The following MARK3 variants were observed in gnomAD, a reference collection of about 807,000 sequenced individuals.
MARK3 encodes microtubule affinity regulating kinase 3.
A neutral mutation model predicts 90.1 loss-of-function variants in MARK3; 46 were observed. That is an observed-to-expected ratio of 0.51 (90% CI 0.40 to 0.65). The LOEUF (loss-of-function observed/expected upper bound fraction) is 0.65, where lower values mean the gene tolerates loss of function less well. Among genes scored for constraint, MARK3 ranks in the 30% least tolerant of loss-of-function variants. The pLI is 0.00. For missense variants in MARK3, 818 were observed against 947.2 expected (o/e 0.86, Z 1.79); for synonymous variants, 321 against 332.6 (o/e 0.97, Z 0.38).
intron 4 of MARK3, 152 bp from the exon 5 acceptor site, chr14:103,451,766 G>A (rs1433776734): frequency 1.7e-6 from 1 of 604,946 alleles, no homozygotes; most frequent in African/African-American, 1.9e-5. Context: ...TGTGGTATTT[G>A]ATAAAATTCC....
chr14:103,501,283 G>A (rs1168228773), intron 17 of MARK3, among the ~76,000 whole-genome samples: 1 of 152,114 alleles, frequency 6.6e-6, no homozygotes, highest in Non-Finnish European at 1.5e-5. Context: ...CCCTCTCCAG[G>A]CCTACCCATC....
intron 12 of MARK3, among the ~76,000 whole-genome samples, chr14:103,472,131 A>T (rs1595844618): frequency 6.8e-6 from 1 of 146,856 alleles, no homozygotes; most frequent in Non-Finnish European, 1.5e-5. Context: ...GAATGGATGA[A>T]CCCGGGAGGC....
intron 2 of MARK3, among the ~76,000 whole-genome samples, chr14:103,426,638 C>T (rs1344924861): frequency 1.3e-5 from 2 of 152,118 alleles, no homozygotes; most frequent in Non-Finnish European, 2.9e-5. Context: ...TTGTCACTTC[C>T]ATTCTTTTTC....
chr14:103,437,338 G>A (rs925451266), intron 3 of MARK3, among the ~76,000 whole-genome samples: 18 of 151,912 alleles, frequency 1.2e-4, no homozygotes, highest in African/African-American at 4.4e-4. Flanking sequence ...AGCTTGCAGT[G>A]AGCCGAGATC....
intron 15 of MARK3, among the ~76,000 whole-genome samples, chr14:103,492,829 C>T (rs1566939343): frequency 1.3e-5 from 2 of 152,098 alleles, no homozygotes; most frequent in Non-Finnish European, 2.9e-5. Flanking sequence ...GAAAGGATAC[C>T]ACTTTGAACC....
chr14:103,489,636 A>T (rs2093984474), intron 14 of MARK3: 1 of 152,228 alleles, frequency 6.6e-6, no homozygotes, highest in East Asian at 1.9e-4. Flanking sequence ...AGATGTCGTT[A>T]GTCTGTGTAT....
chr14:103,469,132 G>T (rs2093576574), intron 12 of MARK3: 2 of 151,548 alleles, frequency 1.3e-5, no homozygotes, highest in East Asian at 1.9e-4. Context: ...CTGAGGAAAT[G>T]ATTTTTACCT....
At chr14:103,412,714 T>G in intron 2 of MARK3, 4 of 594,092 alleles carry the variant, frequency 6.7e-6, no homozygotes, top group Non-Finnish European at 1.3e-5. Context: ...CGTGCAGGAC[T>G]TCCTGCACCG....
At chr14:103,471,518 C>T (rs1364226507) in intron 12 of MARK3, among the ~76,000 whole-genome samples, 3 of 152,216 alleles carry the variant, frequency 2.0e-5, no homozygotes, top group East Asian at 1.9e-4. Context: ...TTTCATAATC[C>T]TCATCTTTCT....
At chr14:103,488,390 A>G (rs7146717) in intron 14 of MARK3, among the ~76,000 whole-genome samples, 147,330 of 152,198 alleles carry the variant, frequency 0.97, 71,486 homozygotes, top group Non-Finnish European at 1. Flanking sequence ...GCCTAGAGTT[A>G]CTTCCACCAC....
At chr14:103,453,366 T>A (rs1470706479) in intron 5 of MARK3, among the ~76,000 whole-genome samples, 3 of 152,234 alleles carry the variant, frequency 2.0e-5, no homozygotes, top group Admixed American at 1.3e-4. Context: ...TATAAACTAC[T>A]GGGTACACAT....
chr14:103,414,628 G>A (rs1401998061), intron 2 of MARK3, among the ~76,000 whole-genome samples: 3 of 152,186 alleles, frequency 2.0e-5, no homozygotes, highest in African/African-American at 7.2e-5. Flanking sequence ...GAGGGTTGTG[G>A]GAAGAGTGGC....
At chr14:103,460,071 A>ATTTTTTTTTTTT (rs1566882596) in intron 6 of MARK3, among the ~76,000 whole-genome samples, 2 of 45,576 alleles carry the variant, frequency 4.4e-5, no homozygotes, top group Non-Finnish European at 8.1e-5. Flanking sequence ...TTCCAGCTCC[A>ATTTTTTTTTTTT]TCTTTTTTTT....
intron 3 of MARK3, among the ~76,000 whole-genome samples, chr14:103,433,767 CAACTT>C (rs374987654): frequency 5.3e-4 from 80 of 152,224 alleles, no homozygotes; most frequent in African/African-American, 1.8e-3. Context: ...GGTCAGATAA[CAACTT>C]AATTTAGGTT....
chr14:103,405,799 A>G (rs1348267884), intron 2 of MARK3, among the ~76,000 whole-genome samples: 1 of 139,522 alleles, frequency 7.2e-6, no homozygotes, highest in African/African-American at 2.7e-5. Flanking sequence ...GGGTTTCACC[A>G]TGTTGGTCAG....
At chr14:103,418,823 A>G (rs930328001) in intron 2 of MARK3, among the ~76,000 whole-genome samples, 1 of 152,202 alleles carries the variant, frequency 6.6e-6, no homozygotes, top group African/African-American at 2.4e-5. Flanking sequence ...ATGTTTTTTC[A>G]ACATATTTTT....
At chr14:103,455,680 A>G (rs2093261673) in intron 5 of MARK3, among the ~76,000 whole-genome samples, 1 of 149,992 alleles carries the variant, frequency 6.7e-6, no homozygotes, top group Admixed American at 6.7e-5. Context: ...GTGAGCCAAG[A>G]TCGGGCCACT....
intron 1 of MARK3, among the ~76,000 whole-genome samples, chr14:103,396,231 ACTT>A (rs1223626014): frequency 2.0e-5 from 3 of 152,132 alleles, no homozygotes; most frequent in Non-Finnish European, 4.4e-5. Flanking sequence ...CTTCACTCAC[ACTT>A]CTAGAGGTAC....
At chr14:103,433,093 CT>C (rs1285320294) in intron 3 of MARK3, among the ~76,000 whole-genome samples, 5 of 118,034 alleles carry the variant, frequency 4.2e-5, no homozygotes, top group Non-Finnish European at 9.0e-5. Flanking sequence ...CTTTTCTTTT[CT>C]TTTTTTTTTG....
Sources: allele counts gnomAD v4.1 joint callset (sites outside exome capture counted in the v4.1 genomes callset), GRCh38; gene constraint gnomAD v4.1.1; transcripts MANE v1.5; gene names NCBI Gene and HGNC (gene_info 2026-07-23, HGNC 2026-07-21).